Variants in PRKG1 observed in about 807,000 individuals in gnomAD.
The protein encoded by PRKG1 is cGMP-dependent protein kinase 1.
A neutral mutation model predicts 88.1 loss-of-function variants in PRKG1; 35 were observed. That is an observed-to-expected ratio of 0.40 (90% CI 0.30 to 0.53). The LOEUF (loss-of-function observed/expected upper bound fraction) is 0.53, where lower values mean the gene tolerates loss of function less well. Ranked by LOEUF, PRKG1 falls within the 20% of genes least tolerant of loss-of-function variation. PRKG1 has a pLI of 0.59. For synonymous variants in PRKG1, 303 were observed against 292.5 expected (o/e 1.04, Z -0.37); for missense variants, 540 against 839.8 (o/e 0.64, Z 4.41).
intron 16 of PRKG1, among the ~76,000 whole-genome samples, chr10:52,289,502 T>C (rs912111211): frequency 6.6e-6 from 1 of 152,062 alleles, no homozygotes; most frequent in Non-Finnish European, 1.5e-5. Flanking sequence ...ACTAATTGGG[T>C]TTTCTCTATT....
At chr10:52,249,218 C>G (rs1194409947) in intron 9 of PRKG1, among the ~76,000 whole-genome samples, 1 of 150,988 alleles carries the variant, frequency 6.6e-6, no homozygotes, top group East Asian at 2.0e-4. Flanking sequence ...GTAAAAAAGC[C>G]CCCAACCTTC....
At chr10:51,737,734 T>TTA (rs1292691827) in intron 3 of PRKG1, among the ~76,000 whole-genome samples, 4 of 140,318 alleles carry the variant, frequency 2.9e-5, no homozygotes, top group Admixed American at 2.3e-4. Context: ...TATTTATTTA[T>TTA]TTATTAATTA....
chr10:52,176,645 A>C (rs10824204), intron 9 of PRKG1, among the ~76,000 whole-genome samples: 8 of 151,982 alleles, frequency 5.3e-5, no homozygotes, highest in Admixed American at 5.2e-4. Flanking sequence ...ATTCTGATCC[A>C]TGAGTATAAG....
At chr10:51,863,945 A>C (rs1479951713) in intron 4 of PRKG1, among the ~76,000 whole-genome samples, 2 of 152,190 alleles carry the variant, frequency 1.3e-5, no homozygotes, top group Non-Finnish European at 2.9e-5. Flanking sequence ...GCTGGCACAC[A>C]AGGAGGAGAC....
At chr10:51,991,791 T>G (rs12256139) in intron 5 of PRKG1, among the ~76,000 whole-genome samples, 2,195 of 152,294 alleles carry the variant, frequency 0.014, 60 homozygotes, top group African/African-American at 0.05. Flanking sequence ...TGATGGACAT[T>G]TGGGTTGGTT....
At chr10:51,900,820 A>G (rs2132932121) in intron 4 of PRKG1, among the ~76,000 whole-genome samples, 1 of 152,272 alleles carries the variant, frequency 6.6e-6, no homozygotes, top group African/African-American at 2.4e-5. Context: ...AAAAGTGGCT[A>G]ACTCGGCTTG....
intron 9 of PRKG1, among the ~76,000 whole-genome samples, chr10:52,166,809 GTATA>G (rs1329775053): frequency 4.3e-5 from 3 of 70,198 alleles, no homozygotes; most frequent in Admixed American, 1.3e-4. Flanking sequence ...ATATATATAT[GTATA>G]TATATGTATA....
chr10:51,149,588 G>A (rs1032562488), intron 1 of PRKG1, among the ~76,000 whole-genome samples: 3 of 151,866 alleles, frequency 2.0e-5, no homozygotes, highest in Non-Finnish European at 4.4e-5. Context: ...AATTATCTGG[G>A]GATATTATAC....
intron 3 of PRKG1, among the ~76,000 whole-genome samples, chr10:51,701,802 T>G (rs7078445): frequency 0.13 from 19,723 of 152,154 alleles, 1,932 homozygotes; most frequent in African/African-American, 0.27. Flanking sequence ...AGATTGCACA[T>G]CTTGACAGAG....
rs150150871 is a variant in PRKG1, at chr10:51,107,729, T to C, written c.311+32828T>C. Among the ~76,000 whole-genome samples, 324 of 134,868 alleles carry C rather than the reference T, an allele frequency of 2.4e-3. 1 individual carries two copies. The highest frequency in any genetic ancestry group is 8.9e-3 in the African/African-American group (314 of 35,264). 88.5% of individuals were successfully genotyped at this position (134,868 alleles called of 152,430 possible). A position where few individuals can be genotyped will look rare whatever the true frequency, so the allele number is the denominator to read the frequency against. On this transcript the variant is annotated intron_variant, in intron 1 of 17. Transcript: ENST00000373980. The stretch of plus-strand genomic sequence containing the variant: ...GTCCCAGCTACTTGGGAGGCTGAGC[T>C]GGGAGGGTATTTTGAGCCTGGGAAG...
intron 2 of PRKG1, among the ~76,000 whole-genome samples, chr10:51,313,092 T>TGC (rs1554793790): frequency 1.3e-5 from 2 of 151,876 alleles, no homozygotes; most frequent in Admixed American, 6.6e-5. Flanking sequence ...TGTGTGTGTG[T>TGC]GTAGGGTGTG....
chr10:51,749,836 G>A (rs1216278551), intron 3 of PRKG1, among the ~76,000 whole-genome samples: 3 of 152,002 alleles, frequency 2.0e-5, no homozygotes, highest in East Asian at 1.9e-4. Context: ...CATTTAATAA[G>A]GTTTATATGA....
chr10:51,856,127 T>A (rs749807544), intron 4 of PRKG1, among the ~76,000 whole-genome samples: 1 of 152,184 alleles, frequency 6.6e-6, no homozygotes, highest in Non-Finnish European at 1.5e-5. Flanking sequence ...AGGACAATTA[T>A]GGGGTCATTG....
At chr10:51,590,774 C>A (rs1053682131) in intron 3 of PRKG1, among the ~76,000 whole-genome samples, 1 of 151,790 alleles carries the variant, frequency 6.6e-6, no homozygotes, top group Non-Finnish European at 1.5e-5. Context: ...CTAGGCTTTG[C>A]GCTTCTCTTC....
At chr10:51,875,609 T>G (rs78603154) in intron 4 of PRKG1, among the ~76,000 whole-genome samples, 2,192 of 152,270 alleles carry the variant, frequency 0.014, 30 homozygotes, top group Middle Eastern at 0.044. Context: ...CTAATGAAAT[T>G]TTTAAAAAAT....
chr10:51,685,048 T>G (rs1223086138), intron 3 of PRKG1, among the ~76,000 whole-genome samples: 1 of 152,184 alleles, frequency 6.6e-6, no homozygotes, highest in Non-Finnish European at 1.5e-5. Context: ...ATTGATTTCA[T>G]AAATTTTTCA....
At chr10:52,043,126 G>A (rs1589551688) in intron 5 of PRKG1, among the ~76,000 whole-genome samples, 1 of 152,198 alleles carries the variant, frequency 6.6e-6, no homozygotes, top group Non-Finnish European at 1.5e-5. Context: ...TTGTAGGAAT[G>A]TAAACTAGTA....
intron 3 of PRKG1, among the ~76,000 whole-genome samples, chr10:51,575,236 C>T (rs1352951352): frequency 6.6e-6 from 1 of 151,798 alleles, no homozygotes; most frequent in Non-Finnish European, 1.5e-5. Context: ...TTTGTCATCA[C>T]CTTCTCTTCA....
chr10:51,437,103 A>G (rs1235472041), intron 2 of PRKG1, among the ~76,000 whole-genome samples: 2 of 151,868 alleles, frequency 1.3e-5, no homozygotes, highest in African/African-American at 2.4e-5. Context: ...TTGTGTTTGT[A>G]TGAGGTCTTA....
Sources: allele counts gnomAD v4.1 joint callset (sites outside exome capture counted in the v4.1 genomes callset), GRCh38; gene constraint gnomAD v4.1.1; transcripts MANE v1.5; gene names NCBI Gene and HGNC (gene_info 2026-07-23, HGNC 2026-07-21).